Variants in ANO3 observed in about 807,000 individuals in gnomAD.
ANO3 encodes the protein anoctamin 3.
Under a neutral mutation model 144.8 loss-of-function variants are expected in ANO3, and 99 were observed. That is an observed-to-expected ratio of 0.68 (90% CI 0.58 to 0.81). The LOEUF is 0.81. ANO3 is among the 30% of genes least tolerant of loss of function. ANO3 has a pLI of 0.00. For synonymous variants in ANO3, 414 were observed against 392.6 expected, an observed-to-expected ratio of 1.05 and a Z score of -0.64; for missense variants, 905 against 1,202.2, an observed-to-expected ratio of 0.75 and a Z score of 3.66.
chr11:26,232,465 T>C (rs1433222690), intron 1 of ANO3, among the ~76,000 whole-genome samples: 3 of 152,134 alleles, frequency 2.0e-5, no homozygotes, highest in African/African-American at 7.2e-5. Flanking sequence ...TGAACTTCCT[T>C]ATTACATGAG....
At chr11:26,454,088 A>G (rs1340840825) in intron 3 of ANO3, among the ~76,000 whole-genome samples, 8 of 152,036 alleles carry the variant, frequency 5.3e-5, no homozygotes, top group African/African-American at 1.5e-4. Context: ...TGTGTAGAGG[A>G]AAATTTATAG....
At chr11:26,657,783 A>T (rs995096571) in intron 26 of ANO3, among the ~76,000 whole-genome samples, 1 of 152,114 alleles carries the variant, frequency 6.6e-6, no homozygotes, top group Non-Finnish European at 1.5e-5. Flanking sequence ...CTGTTTTTAG[A>T]TATATAGAGA....
chr11:26,543,920 C>G (rs529365162), intron 11 of ANO3, among the ~76,000 whole-genome samples: 1 of 151,868 alleles, frequency 6.6e-6, no homozygotes, highest in Non-Finnish European at 1.5e-5. Flanking sequence ...AATAAACATA[C>G]GCTTTTAATT....
chr11:26,555,168 T>C (rs993811649), intron 13 of ANO3, among the ~76,000 whole-genome samples: 1 of 152,230 alleles, frequency 6.6e-6, no homozygotes, highest in African/African-American at 2.4e-5. Context: ...TTTTAAATGT[T>C]CCATAAAGAT....
intron 1 of ANO3, among the ~76,000 whole-genome samples, chr11:26,415,170 C>T (rs1216367681): frequency 6.6e-6 from 1 of 151,254 alleles, no homozygotes; most frequent in Non-Finnish European, 1.5e-5. Flanking sequence ...CTCAATATTC[C>T]CAGACTTGTC....
intron 1 of ANO3, among the ~76,000 whole-genome samples, chr11:26,432,586 TAAGG>T (rs1485866361): frequency 2.6e-5 from 4 of 152,140 alleles, no homozygotes; most frequent in Non-Finnish European, 1.5e-5. Context: ...GTTTATGGTA[TAAGG>T]AAGGGGTCCA....
chr11:26,643,139 A>G, intron 22 of ANO3, 43 bp from the exon 23 acceptor site: 1 of 1,592,272 alleles, frequency 6.3e-7, no homozygotes, highest in South Asian at 1.1e-5. Flanking sequence ...ATTTGTCACA[A>G]AGGAAGTTTA....
chr11:26,612,307 A>G (rs1405731017), intron 17 of ANO3, among the ~76,000 whole-genome samples: 2 of 151,792 alleles, frequency 1.3e-5, no homozygotes, highest in African/African-American at 4.8e-5. Flanking sequence ...CATGGGGCTA[A>G]CCTAAATAAT....
intron 4 of ANO3, among the ~76,000 whole-genome samples, chr11:26,481,581 A>G (rs1050100907): frequency 2.4e-4 from 37 of 152,236 alleles, no homozygotes; most frequent in African/African-American, 8.2e-4. Flanking sequence ...TTGCACAGCT[A>G]AATAAATGGT....
intron 1 of ANO3, among the ~76,000 whole-genome samples, chr11:26,297,617 A>C (rs1227031468): frequency 6.6e-6 from 1 of 152,166 alleles, no homozygotes; most frequent in African/African-American, 2.4e-5. Context: ...CATTTTCCCC[A>C]AAATGCTCTT....
chr11:26,626,596 T>TG (rs1225351277), intron 18 of ANO3, among the ~76,000 whole-genome samples: 1 of 152,192 alleles, frequency 6.6e-6, no homozygotes, highest in Non-Finnish European at 1.5e-5. Flanking sequence ...CTGTACTCCT[T>TG]GCAGCTGAAC....
chr11:26,236,701 C>G (rs967736051), intron 1 of ANO3, among the ~76,000 whole-genome samples: 3 of 151,568 alleles, frequency 2.0e-5, no homozygotes, highest in Non-Finnish European at 1.5e-5. Context: ...GCCTGTAGTC[C>G]CAGCTACTCG....
chr11:26,579,737 G>T (rs751960227), intron 14 of ANO3, among the ~76,000 whole-genome samples: 1 of 151,974 alleles, frequency 6.6e-6, no homozygotes, highest in South Asian at 2.1e-4. Flanking sequence ...TTTTTTTCAT[G>T]AAAAAGATCC....
intron 17 of ANO3, among the ~76,000 whole-genome samples, chr11:26,621,633 C>T (rs1486901205): frequency 1.3e-5 from 2 of 152,064 alleles, no homozygotes; most frequent in Non-Finnish European, 2.9e-5. Flanking sequence ...ACCTCCTGAC[C>T]AATTATGTAT....
Position 26,609,393 on chromosome 11 carries a change from A to C in ANO3, c.1836+9679A>C, listed in dbSNP as rs532301769. On this transcript the variant is annotated intron_variant, in intron 17 of 26. Coordinates refer to ENST00000256737, the MANE Select transcript of ANO3 (RefSeq NM_031418.4). ...GTGCAGGATATCACATGCAGGATTC[A>C]CATATCCTGCAGGATATCACATGCA... is the stretch of plus-strand genomic sequence containing the variant. Among the ~76,000 whole-genome samples the C allele has an allele frequency of 1.8e-4, 27 of 151,790 alleles. 1 individual carries two copies. The highest frequency in any genetic ancestry group is 1.0e-3 in the South Asian group (5 of 4,766).
intron 1 of ANO3, among the ~76,000 whole-genome samples, chr11:26,374,829 C>T (rs528870274): frequency 2.4e-4 from 36 of 152,298 alleles, no homozygotes; most frequent in Non-Finnish European, 4.0e-4. Flanking sequence ...TTGCAACCTC[C>T]GCCTTCCAGG....
At chr11:26,288,291 T>C (rs916868098) in intron 1 of ANO3, among the ~76,000 whole-genome samples, 2 of 152,142 alleles carry the variant, frequency 1.3e-5, no homozygotes, top group African/African-American at 4.8e-5. Flanking sequence ...GAAGTGGAAG[T>C]TTATGATGGA....
At chr11:26,290,159 A>C (rs560066669) in intron 1 of ANO3, among the ~76,000 whole-genome samples, 19 of 152,278 alleles carry the variant, frequency 1.2e-4, no homozygotes, top group African/African-American at 3.8e-4. Context: ...GTGTCCAGGA[A>C]TGTATCCATT....
chr11:26,442,901 G>T (rs545877392), intron 2 of ANO3, among the ~76,000 whole-genome samples: 3 of 152,164 alleles, frequency 2.0e-5, no homozygotes, highest in Non-Finnish European at 2.9e-5. Flanking sequence ...TGAGTACTGG[G>T]ATTACAGGCA....
Sources: allele counts gnomAD v4.1 joint callset (sites outside exome capture counted in the v4.1 genomes callset), GRCh38; gene constraint gnomAD v4.1.1; transcripts MANE v1.5; gene names NCBI Gene and HGNC (gene_info 2026-07-23, HGNC 2026-07-21).